The following KCNIP3 variants were observed in gnomAD, a reference collection of about 807,000 sequenced individuals.
KCNIP3 encodes the protein calsenilin.
A neutral mutation model predicts 35.0 loss-of-function variants in KCNIP3; 28 were observed. The observed-to-expected ratio is 0.80, with a 90% CI of 0.59 to 1.10. KCNIP3 has a LOEUF of 1.10. Ranked by LOEUF, KCNIP3 falls within the 50% of genes least tolerant of loss-of-function variation. The pLI is 0.00. For synonymous variants in KCNIP3, 134 were observed against 133.8 expected (o/e 1.00, Z -0.01); for missense variants, 295 against 338.4 (o/e 0.87, Z 1.01).
intron 2 of KCNIP3, among the ~76,000 whole-genome samples, chr2:95,342,657 C>G (rs755305522): frequency 1.3e-5 from 2 of 152,180 alleles, no homozygotes; most frequent in African/African-American, 4.8e-5. Context: ...GAGGTGACTC[C>G]GTTCTCAGGC....
intron 2 of KCNIP3, chr2:95,347,244 C>G (rs1036414825): frequency 1.8e-5 from 14 of 798,026 alleles, no homozygotes; most frequent in African/African-American, 1.2e-4. Flanking sequence ...GCCGCCGCCC[C>G]CTCCCGGCTC....
chr2:95,378,668 G>C lies in KCNIP3; in HGVS notation c.448-2928G>C, dbSNP rs1680262440. On this transcript the variant is annotated intron_variant, in intron 5 of 8. Transcript: ENST00000295225. The surrounding 1 kb of genome is among the most constrained non-coding windows in gnomAD (Gnocchi z 4.0). The stretch of plus-strand genomic sequence containing the variant: ...GGCTGAGGCAAGTGAATCACTTTGA[G>C]CCCAGGAGTCAGAGGTTGCAGTGAG... Among the ~76,000 whole-genome samples the C allele has an allele frequency of 6.6e-6, 1 of 151,530 alleles. No homozygotes were observed.
intron 1 of KCNIP3, among the ~76,000 whole-genome samples, chr2:95,308,990 T>C (rs1389868702): frequency 1.3e-5 from 2 of 152,138 alleles, no homozygotes; most frequent in Non-Finnish European, 2.9e-5. Flanking sequence ...ACCCACCCCC[T>C]GAGTGGCCCT....
intron 2 of KCNIP3, among the ~76,000 whole-genome samples, chr2:95,324,539 A>AATAAATAAATAG (rs1398912590): frequency 1.3e-5 from 2 of 150,772 alleles, no homozygotes; most frequent in Non-Finnish European, 3.0e-5. Context: ...TAAATAAATA[A>AATAAATAAATAG]ATAAATAAAT....
intron 2 of KCNIP3, among the ~76,000 whole-genome samples, chr2:95,322,007 T>A (rs1476889003): frequency 6.6e-6 from 1 of 152,166 alleles, no homozygotes; most frequent in African/African-American, 2.4e-5. Context: ...CATAGCTCTG[T>A]GTGAAGCAAA....
chr2:95,347,231 T>C, intron 2 of KCNIP3: 1 of 927,252 alleles, frequency 1.1e-6, no homozygotes, highest in South Asian at 1.6e-5. Context: ...AGGAGCGGCC[T>C]GGGCCGCCGC....
chr2:95,313,499 T>G (rs1286008918), intron 2 of KCNIP3: 1 of 152,298 alleles, frequency 6.6e-6, no homozygotes, highest in African/African-American at 2.4e-5. Context: ...AGAAGCTCCT[T>G]GGACCCTCTT....
At chr2:95,313,933 A>G (rs13420846) in intron 2 of KCNIP3, 6,326 of 151,814 alleles carry the variant, frequency 0.042, 432 homozygotes, top group African/African-American at 0.14. Flanking sequence ...ACACACACAC[A>G]TACACACACA....
chr2:95,346,581 G>A (rs1573503815), intron 2 of KCNIP3: 1 of 145,822 alleles, frequency 6.9e-6, no homozygotes, highest in South Asian at 2.0e-4. Context: ...GGCCGGGAGC[G>A]CCCGGGACCC....
chr2:95,333,648 G>A (rs2104247870), intron 2 of KCNIP3, among the ~76,000 whole-genome samples: 1 of 152,344 alleles, frequency 6.6e-6, no homozygotes, highest in East Asian at 1.9e-4. Flanking sequence ...GGAGCATGGT[G>A]AGGATTCAAT....
At chr2:95,314,466 C>T (rs1460034010) in intron 2 of KCNIP3, among the ~76,000 whole-genome samples, 2 of 152,152 alleles carry the variant, frequency 1.3e-5, no homozygotes, top group Admixed American at 1.3e-4. Context: ...TGATCCAAAC[C>T]CCCATTCCTG....
intron 7 of KCNIP3, 89 bp from the exon 8 acceptor site, chr2:95,383,143 A>AACAC: frequency 2.8e-6 from 1 of 358,840 alleles, no homozygotes; most frequent in Non-Finnish European, 5.0e-6. Context: ...CCGCCCATCC[A>AACAC]CCCACCCATG....
chr2:95,363,858 G>A (rs1182298973), intron 2 of KCNIP3, among the ~76,000 whole-genome samples: 1 of 152,152 alleles, frequency 6.6e-6, no homozygotes, highest in African/African-American at 2.4e-5. Flanking sequence ...TACTGGTGTA[G>A]AGAACTGCTA....
Position 95,382,499 on chromosome 2 carries a change from C to T in KCNIP3, c.660+18C>T. 1.9e-6 allele frequency: 3 copies of T among 1,568,070 alleles called. No individual in the cohort carries two copies. The highest frequency in any genetic ancestry group is 2.6e-6 in the Non-Finnish European group (3 of 1,154,558). On this transcript the variant is annotated intron_variant, in intron 7 of 8. Transcript: ENST00000295225. The surrounding 1 kb of genome is among the most constrained non-coding windows in gnomAD (Gnocchi z 4.5). ...TCTTCGAGGTGAGCGAGCGCCAGCC[C>T]TGCCTAGGGAGGGGAGCCTGGCAGA...
At chr2:95,326,495 G>T (rs374774309) in intron 2 of KCNIP3, among the ~76,000 whole-genome samples, 38 of 152,218 alleles carry the variant, frequency 2.5e-4, no homozygotes, top group African/African-American at 8.7e-4. Context: ...GCCCAACATG[G>T]CCTACAGGAC....
intron 2 of KCNIP3, among the ~76,000 whole-genome samples, chr2:95,357,163 C>T (rs547407333): frequency 3.2e-4 from 49 of 152,370 alleles, no homozygotes; most frequent in African/African-American, 1.2e-3. Flanking sequence ...TCACAGCAGT[C>T]TCACCACAGA....
chr2:95,381,789 G>C (rs562729874), intron 6 of KCNIP3, 86 bp downstream of exon 6: 2 of 919,726 alleles, frequency 2.2e-6, no homozygotes, highest in Admixed American at 1.9e-5. Context: ...CCCTGCTCCT[G>C]CTGCCCACCT....
In KCNIP3 at chr2:95,374,879, C is replaced by T. The variant is rs1292940963; in HGVS notation, c.338C>T (p.Thr113Ile). 2 of 1,613,952 alleles carry T rather than the reference C, an allele frequency of 1.2e-6. No individual in the cohort carries two copies. The highest frequency in any genetic ancestry group is 1.7e-6 in the Non-Finnish European group (2 of 1,180,002). Residue 113 changes from threonine (T) to isoleucine (I), a missense_variant, in exon 4 of 9, where the codon ACC becomes ATC. Coordinates refer to ENST00000295225, the MANE Select transcript of KCNIP3 (RefSeq NM_013434.5). ...ECPTGLVDED[T>I]FKLIYAQFFP... ...CCCACGGGCCTGGTGGACGAAGACA[C>T]CTTCAAACTCATTTACGCGCAGTTC...
chr2:95,324,025 C>A (rs998937676), intron 2 of KCNIP3, among the ~76,000 whole-genome samples: 1 of 152,160 alleles, frequency 6.6e-6, no homozygotes, highest in African/African-American at 2.4e-5. Flanking sequence ...AGGGAGCCCG[C>A]GGCCACTGCC....
Sources: gnomAD v4.1 joint callset for allele counts (sites outside exome capture counted in the v4.1 genomes callset) on GRCh38, gnomAD v4.1.1 for gene constraint, Gnocchi (gnomAD v3.1) non-coding constraint, MANE v1.5 for transcripts, NCBI Gene and HGNC (gene_info 2026-07-23, HGNC 2026-07-21) for gene names.